DCDC1: variants seen among roughly 807,000 people sequenced by gnomAD.
DCDC1 encodes doublecortin domain containing 1.
Under a neutral mutation model 178.3 loss-of-function variants are expected in DCDC1, and 200 were observed. The ratio of observed to expected loss-of-function variants is 1.12; its 90% CI spans 1.00 to 1.26. The LOEUF (loss-of-function observed/expected upper bound fraction) is 1.26, where lower values mean the gene tolerates loss of function less well. Ranked by LOEUF, DCDC1 falls within the 50% of genes most tolerant of loss-of-function variation. The probability of loss-of-function intolerance (pLI) is 0.00; values close to 1 mark genes in which losing one functional copy is unlikely to be tolerated. For synonymous variants in DCDC1, 690 were observed against 604.8 expected, an observed-to-expected ratio of 1.14 and a Z score of -2.07; for missense variants, 1,983 against 1,749.2, an observed-to-expected ratio of 1.13 and a Z score of -2.38.
chr11:31,132,932 G>A (rs1962634092), intron 10 of DCDC1, among the ~76,000 whole-genome samples: 1 of 152,168 alleles, frequency 6.6e-6, no homozygotes, highest in Non-Finnish European at 1.5e-5. Flanking sequence ...GAATACAAAT[G>A]TGCACATGTC....
At chr11:31,216,280 C>T (rs902478659) in intron 9 of DCDC1, among the ~76,000 whole-genome samples, 16 of 152,120 alleles carry the variant, frequency 1.1e-4, no homozygotes, top group African/African-American at 3.6e-4. Flanking sequence ...ATTAGATATA[C>T]ACAGAAATTT....
At chr11:30,990,360 A>G (rs963098601) in intron 20 of DCDC1, among the ~76,000 whole-genome samples, 1 of 152,218 alleles carries the variant, frequency 6.6e-6, no homozygotes, top group Non-Finnish European at 1.5e-5. Context: ...ACCTTATTGC[A>G]TCTTGAGACA....
chr11:31,141,964 T>C (rs1166655599), intron 9 of DCDC1, among the ~76,000 whole-genome samples: 3 of 152,178 alleles, frequency 2.0e-5, no homozygotes, highest in African/African-American at 4.8e-5. Flanking sequence ...TAACTCATTG[T>C]GTGTTATTGT....
intron 1 of DCDC1, among the ~76,000 whole-genome samples, chr11:31,362,550 T>C (rs1467137644): frequency 1.3e-5 from 2 of 152,160 alleles, no homozygotes; most frequent in Non-Finnish European, 1.5e-5. Flanking sequence ...AGATTTCTAA[T>C]TGCTTTGTAA....
chr11:31,077,010 T>A (rs1956903929), intron 18 of DCDC1, among the ~76,000 whole-genome samples: 1 of 152,136 alleles, frequency 6.6e-6, no homozygotes, highest in Admixed American at 6.5e-5. Context: ...GTTGAGCTTG[T>A]TTTCCTTCTT....
At chr11:30,915,993 G>A (rs1420899951) in intron 26 of DCDC1, among the ~76,000 whole-genome samples, 1 of 152,202 alleles carries the variant, frequency 6.6e-6, no homozygotes, top group Non-Finnish European at 1.5e-5. Context: ...AACTTCAGTT[G>A]ACAAGGTAAT....
rs191988570 is a variant in DCDC1, at chr11:31,272,181, C to T, written c.961-6581G>A. ...CATCTAAAAAAAAAAAAAAAAACCA[C>T]CAGAGCTGATAAGACGTTTTCACTA... On this transcript the variant is annotated intron_variant, in intron 7 of 38. Transcript: ENST00000684477. 1.2e-3 allele frequency among the ~76,000 whole-genome samples: 188 copies of T among 151,152 alleles called. 1 individual carries two copies. The highest frequency in any genetic ancestry group is 2.3e-3 in the Non-Finnish European group (154 of 67,716).
At position 30,995,370 on chromosome 11, in the gene DCDC1, A is replaced by C. The variant is rs372814894; in HGVS notation, c.2592-42802T>G. On this transcript the variant is annotated intron_variant, in intron 20 of 38. Transcript: ENST00000684477. ...CTATAGATTCAATGTAATTCCAATA[A>C]AAATCCCAGCAAACTCTTTTGTAGA... Among the ~76,000 whole-genome samples the C allele has an allele frequency of 3.9e-5, 6 of 152,140 alleles. No individual in the cohort carries two copies. In the East Asian group the frequency reaches 9.6e-4, roughly 24 times the overall value.
intron 9 of DCDC1, among the ~76,000 whole-genome samples, chr11:31,189,313 A>G (rs1169656548): frequency 2.0e-5 from 3 of 152,190 alleles, no homozygotes; most frequent in African/African-American, 7.2e-5. Flanking sequence ...GGAAAAGTAG[A>G]TAATGTCCCC....
rs1026080462 is a variant in DCDC1, at chr11:31,151,659, A to G, written c.1222-13875T>C. Among the ~76,000 whole-genome samples, 11 of 152,200 alleles carry G rather than the reference A, an allele frequency of 7.2e-5. No homozygotes were observed. The South Asian group carries it at 8.3e-4, about 11-fold the overall frequency. On this transcript the variant is annotated intron_variant, in intron 9 of 38. Transcript: ENST00000684477. Reference sequence around the variant, plus strand: ...TATTTAATATTTTAGACATTTTCCTAGGCACATGTATAGAAATATAGGTAC... The same window carrying G: ...TATTTAATATTTTAGACATTTTCCTGGGCACATGTATAGAAATATAGGTAC...
intron 20 of DCDC1, among the ~76,000 whole-genome samples, chr11:30,981,389 C>A (rs1950387532): frequency 6.6e-6 from 1 of 152,060 alleles, no homozygotes; most frequent in African/African-American, 2.4e-5. Flanking sequence ...AAAGATTAAA[C>A]AAATTATTAT....
intron 20 of DCDC1, 65 bp from the exon 21 acceptor site, chr11:30,952,633 T>C: frequency 1.5e-6 from 1 of 656,680 alleles, no homozygotes; most frequent in Non-Finnish European, 2.5e-6. Flanking sequence ...AAAATATTCA[T>C]TTTATTCATT....
chr11:31,168,868 T>G (rs1269276133), intron 9 of DCDC1, among the ~76,000 whole-genome samples: 1 of 150,032 alleles, frequency 6.7e-6, no homozygotes, highest in Non-Finnish European at 1.5e-5. Flanking sequence ...ATTTATTATT[T>G]TATTTTATTA....
intron 6 of DCDC1, among the ~76,000 whole-genome samples, chr11:31,291,263 T>C (rs776586579): frequency 6.6e-6 from 1 of 152,042 alleles, no homozygotes; most frequent in African/African-American, 2.4e-5. Context: ...GAAACATTTC[T>C]CTTCTCTTTA....
At chr11:31,362,564 G>A (rs1951764084) in intron 1 of DCDC1, among the ~76,000 whole-genome samples, 1 of 152,040 alleles carries the variant, frequency 6.6e-6, no homozygotes, top group African/African-American at 2.4e-5. Flanking sequence ...TTTGTAATGG[G>A]CTTGAAACAG....
intron 9 of DCDC1, among the ~76,000 whole-genome samples, chr11:31,149,630 T>C (rs1964939570): frequency 2.6e-5 from 4 of 151,950 alleles, no homozygotes; most frequent in Admixed American, 1.3e-4. Flanking sequence ...TTATGAGCCA[T>C]AACACTCACC....
chr11:31,268,715 T>A (rs979491816), intron 7 of DCDC1, among the ~76,000 whole-genome samples: 1 of 152,180 alleles, frequency 6.6e-6, no homozygotes, highest in Admixed American at 6.5e-5. Context: ...GGCAGAATGA[T>A]TTTTCTTTTG....
intron 21 of DCDC1, among the ~76,000 whole-genome samples, chr11:30,932,515 T>G (rs558466134): frequency 6.6e-6 from 1 of 152,330 alleles, no homozygotes; most frequent in South Asian, 2.1e-4. Flanking sequence ...CAAATATTTT[T>G]GAATGTTTAC....
chr11:31,250,417 T>C (rs7943516), intron 8 of DCDC1, among the ~76,000 whole-genome samples: 27,284 of 89,072 alleles, frequency 0.31, 5,755 homozygotes, highest in East Asian at 0.73. Flanking sequence ...CACACACACA[T>C]ATACATATAT....
Sources: gnomAD v4.1 joint callset for allele counts (sites outside exome capture counted in the v4.1 genomes callset) on GRCh38, gnomAD v4.1.1 for gene constraint, MANE v1.5 for transcripts, NCBI Gene and HGNC (gene_info 2026-07-23, HGNC 2026-07-21) for gene names.